The following SHLD1 variants were observed in gnomAD, a reference collection of about 807,000 sequenced individuals.
The protein encoded by SHLD1 is RINN1-REV7-interacting novel NHEJ regulator 3.
In SHLD1, 3 loss-of-function variants were observed where a neutral mutation model predicts 5.5. The ratio of observed to expected loss-of-function variants is 0.54; its 90% CI spans 0.25 to 1.40. SHLD1 has a LOEUF of 1.40. SHLD1 is among the 40% of genes most tolerant of loss of function. SHLD1 has a pLI of 0.15. For synonymous variants in SHLD1, 92 were observed against 94.3 expected, an observed-to-expected ratio of 0.98 and a Z score of 0.14; for missense variants, 210 against 244.4, an observed-to-expected ratio of 0.86 and a Z score of 0.94.
At chr20:5,846,770 A>G (rs2087937650) in intron 2 of SHLD1, among the ~76,000 whole-genome samples, 1 of 152,224 alleles carries the variant, frequency 6.6e-6, no homozygotes, top group African/African-American at 2.4e-5. Context: ...TGCAAGGTCC[A>G]GAAAGTGGGA....
intron 2 of SHLD1, among the ~76,000 whole-genome samples, chr20:5,819,152 G>A (rs1353320535): frequency 2.0e-5 from 3 of 151,884 alleles, no homozygotes; most frequent in South Asian, 2.1e-4. Flanking sequence ...GTGAGCCACC[G>A]TGCCCCGCCA....
chr20:5,805,188 G>A (rs541926295), intron 2 of SHLD1, among the ~76,000 whole-genome samples: 1 of 152,210 alleles, frequency 6.6e-6, no homozygotes, highest in South Asian at 2.1e-4. Flanking sequence ...ATGGAGTTTC[G>A]CTCTTGTTGC....
intron 2 of SHLD1, among the ~76,000 whole-genome samples, chr20:5,791,232 A>AAAAAC (rs1414374615): frequency 5.9e-5 from 8 of 135,626 alleles, no homozygotes; most frequent in Non-Finnish European, 1.3e-4. Context: ...GAAATAATGA[A>AAAAAC]AAAACAGAAA....
intron 2 of SHLD1, among the ~76,000 whole-genome samples, chr20:5,841,976 G>A (rs571068621): frequency 2.2e-4 from 33 of 152,314 alleles, no homozygotes; most frequent in African/African-American, 7.7e-4. Flanking sequence ...AGAGAACATT[G>A]TCTACAAAAC....
At chr20:5,848,829 A>G (rs1325088100) in intron 2 of SHLD1, among the ~76,000 whole-genome samples, 2 of 152,044 alleles carry the variant, frequency 1.3e-5, no homozygotes, top group African/African-American at 2.4e-5. Context: ...GTGGCCTCTT[A>G]GAGGACCGCG....
intron 2 of SHLD1, among the ~76,000 whole-genome samples, chr20:5,813,947 T>C (rs1272064762): frequency 7.9e-6 from 1 of 127,108 alleles, no homozygotes; most frequent in Non-Finnish European, 1.7e-5. Context: ...TTTTCTTTCT[T>C]TTTTTTTTTT....
chr20:5,762,231 G>C (rs1477297054), intron 1 of SHLD1, among the ~76,000 whole-genome samples: 1 of 151,288 alleles, frequency 6.6e-6, no homozygotes, highest in Non-Finnish European at 1.5e-5. Context: ...GTGACAGAGT[G>C]AGACTCTGTC....
At chr20:5,846,775 G>A (rs1176907771) in intron 2 of SHLD1, among the ~76,000 whole-genome samples, 1 of 152,244 alleles carries the variant, frequency 6.6e-6, no homozygotes, top group Admixed American at 6.5e-5. Context: ...GGTCCAGAAA[G>A]TGGGAGAGTT....
chr20:5,754,956 T>C (rs1983983275), intron 1 of SHLD1, among the ~76,000 whole-genome samples: 1 of 151,730 alleles, frequency 6.6e-6, no homozygotes, highest in South Asian at 2.1e-4. Flanking sequence ...CTCGGGAGGC[T>C]GAGGCAGGAG....
intron 2 of SHLD1, among the ~76,000 whole-genome samples, chr20:5,856,947 T>C (rs2088094108): frequency 6.6e-6 from 1 of 152,186 alleles, no homozygotes. Context: ...ATTTGTAAAT[T>C]AAAGGTTTTG....
intron 2 of SHLD1, among the ~76,000 whole-genome samples, chr20:5,831,971 G>A (rs962481969): frequency 6.6e-6 from 1 of 151,742 alleles, no homozygotes; most frequent in Non-Finnish European, 1.5e-5. Flanking sequence ...TCTTTGAAAC[G>A]GAGCCTTGCT....
chr20:5,844,521 G>A (rs2087903537), intron 2 of SHLD1, among the ~76,000 whole-genome samples: 1 of 152,052 alleles, frequency 6.6e-6, no homozygotes, highest in Non-Finnish European at 1.5e-5. Flanking sequence ...ACACACTGAG[G>A]CACCTGCTGT....
chr20:5,761,828 G>A (rs968060998), intron 1 of SHLD1, among the ~76,000 whole-genome samples: 9 of 151,716 alleles, frequency 5.9e-5, no homozygotes, highest in Admixed American at 2.0e-4. Flanking sequence ...GGCTGCTCTC[G>A]AACTACTGAC....
In SHLD1 at chr20:5,783,406, T is replaced by C. The variant is rs573638945; in HGVS notation, c.178+10363T>C. Among the ~76,000 whole-genome samples, 6 of 152,236 alleles carry C rather than the reference T, an allele frequency of 3.9e-5. No individual in the cohort carries two copies. In the East Asian group the frequency reaches 1.2e-3, roughly 29 times the overall value. On this transcript the variant is annotated intron_variant, in intron 2 of 2. Transcript: ENST00000303142. ...ACCCGGCTAATTTTTGTATTTTTAG[T>C]AGAGACAAGGTTTCACCATGTTGGC...
intron 1 of SHLD1, among the ~76,000 whole-genome samples, chr20:5,759,156 A>G (rs937679680): frequency 6.6e-6 from 1 of 150,926 alleles, no homozygotes; most frequent in Admixed American, 6.6e-5. Context: ...GGGTTCCGTT[A>G]TGTTGCCAGG....
intron 2 of SHLD1, among the ~76,000 whole-genome samples, chr20:5,802,566 C>T (rs547451739): frequency 2.9e-4 from 44 of 152,276 alleles, no homozygotes; most frequent in African/African-American, 9.1e-4. Context: ...TGTTAGCCAT[C>T]GATGTCATCA....
At chr20:5,839,453 TGAA>T (rs1403369731) in intron 2 of SHLD1, among the ~76,000 whole-genome samples, 7 of 151,782 alleles carry the variant, frequency 4.6e-5, no homozygotes, top group South Asian at 4.2e-4. Context: ...AATGGGTAAA[TGAA>T]GAGATGGATG....
intron 2 of SHLD1, among the ~76,000 whole-genome samples, chr20:5,801,926 T>C (rs1185529076): frequency 6.8e-6 from 1 of 146,262 alleles, no homozygotes; most frequent in Non-Finnish European, 1.5e-5. Flanking sequence ...TTCAAAAGCA[T>C]TGTGCCTAGT....
chr20:5,849,606 T>C (rs929612671), intron 2 of SHLD1, among the ~76,000 whole-genome samples: 2 of 152,174 alleles, frequency 1.3e-5, no homozygotes, highest in Non-Finnish European at 2.9e-5. Flanking sequence ...AATACATGTA[T>C]ACATGTAATG....
Sources: gnomAD v4.1 joint callset for allele counts (sites outside exome capture counted in the v4.1 genomes callset) on GRCh38, gnomAD v4.1.1 for gene constraint, MANE v1.5 for transcripts, NCBI Gene and HGNC (gene_info 2026-07-23, HGNC 2026-07-21) for gene names.